The following SLC43A1 variants were observed in gnomAD, a reference collection of about 807,000 sequenced individuals.
SLC43A1 encodes the protein solute carrier family 43 member 1, also known as large neutral amino acids transporter small subunit 3.
SLC43A1 carries 31 observed loss-of-function variants against 59.5 expected under a neutral mutation model. The ratio of observed to expected loss-of-function variants is 0.52; its 90% CI spans 0.39 to 0.70. SLC43A1 has a LOEUF of 0.70. Among genes scored for constraint, SLC43A1 ranks in the 30% least tolerant of loss-of-function variants. The pLI is 0.00. For synonymous variants in SLC43A1, 259 were observed against 290.9 expected, an observed-to-expected ratio of 0.89 and a Z score of 1.12; for missense variants, 598 against 717.8, an observed-to-expected ratio of 0.83 and a Z score of 1.91.
intron 2 of SLC43A1, 125 bp from the exon 3 acceptor site, chr11:57,501,454 A>C (rs746509403): frequency 2.2e-5 from 20 of 907,398 alleles, no homozygotes; most frequent in Non-Finnish European, 3.3e-5. Flanking sequence ...GGTACCCTAG[A>C]GTCACATCTC....
intron 5 of SLC43A1, 151 bp from the exon 6 acceptor site, chr11:57,497,996 G>A: frequency 1.7e-6 from 1 of 589,312 alleles, no homozygotes; most frequent in African/African-American, 1.9e-5. Context: ...ACTGTACTCT[G>A]CCCCCTGCCT....
intron 7 of SLC43A1, 88 bp downstream of exon 7, chr11:57,495,943 C>A: frequency 6.8e-7 from 1 of 1,468,762 alleles, no homozygotes; most frequent in Non-Finnish European, 9.2e-7. Flanking sequence ...AAGCCGAGGT[C>A]TCTCTGAATC....
rs1250695495 is a variant in SLC43A1, at chr11:57,501,158, AC to A, written c.325del (p.Val109LeufsTer26). Reference sequence around the variant, plus strand: ...CATAGCCCAGCCACCTCACCTGCCAACCAGCCGCACGGGTCGGGGGCCAAAG... The same window carrying A: ...CATAGCCCAGCCACCTCACCTGCCAACAGCCGCACGGGTCGGGGGCCAAAG... ...DRFGPRPVRL[V>X]GSACFTASCT... On this transcript the variant is annotated frameshift_variant, in exon 3 of 15. Transcript: ENST00000278426. LOFTEE classifies it high-confidence loss of function. 2 of 1,612,342 alleles carry A rather than the reference AC, an allele frequency of 1.2e-6. No homozygotes were observed. Among genetic ancestry groups the A allele is most frequent in the Admixed American group, 3.3e-5 (2 of 59,994 alleles).
chr11:57,504,457 T>A (rs1182910732), intron 2 of SLC43A1, among the ~76,000 whole-genome samples: 4 of 152,232 alleles, frequency 2.6e-5, no homozygotes, highest in Non-Finnish European at 5.9e-5. Flanking sequence ...CAAATGACAA[T>A]TTCCCTCACA....
intron 14 of SLC43A1, among the ~76,000 whole-genome samples, chr11:57,485,592 A>C (rs376950662): frequency 2.4e-4 from 36 of 152,192 alleles, no homozygotes; most frequent in African/African-American, 8.4e-4. Context: ...TGACCTTTGG[A>C]GATGTTAACC....
chr11:57,496,898 T>C (rs950903095), intron 6 of SLC43A1, among the ~76,000 whole-genome samples: 2 of 152,206 alleles, frequency 1.3e-5, no homozygotes, highest in African/African-American at 4.8e-5. Flanking sequence ...CCTTTTTCTC[T>C]GCAGTCTTGG....
At position 57,514,276 on chromosome 11, in the gene SLC43A1, G is replaced by C; in HGVS notation, c.-13-152C>G. 1.1e-6 allele frequency: 1 copy of C among 908,252 alleles called. No homozygotes were observed. Among genetic ancestry groups the C allele is most frequent in the South Asian group, 1.8e-5 (1 of 55,774 alleles). The allele number at this position is 908,252 out of a possible 1,614,324, so 56.3% of individuals were successfully genotyped here. Reference sequence around the variant, plus strand: ...CCCTGGGCTTCCCAGCCGGTGCCAAGGAGCTGGCTCCGCGCGCACTAGCAG... The same window carrying C: ...CCCTGGGCTTCCCAGCCGGTGCCAACGAGCTGGCTCCGCGCGCACTAGCAG... On this transcript the variant is annotated intron_variant, in intron 1 of 14. Transcript: ENST00000278426. This position sits in a 1 kb window ranked among gnomAD's most constrained non-coding sequence, Gnocchi z 5.5.
chr11:57,491,738 A>G lies in SLC43A1; in HGVS notation c.996T>C (p.Leu332=). ...MAAVNKMLEY[L]VTGGQEHETN... is the part of the protein sequence containing the mutation. ...CACCATGCTCCTGGCCACCAGTCACAAGGTACTCCAGCATCTTGTTCACAG... is the reference window on the plus strand; with the variant it reads ...CACCATGCTCCTGGCCACCAGTCACGAGGTACTCCAGCATCTTGTTCACAG... The change falls in exon 9 of 15, where the codon CTT becomes CTC. Residue 332 remains leucine, a synonymous_variant. Coordinates refer to ENST00000278426, the MANE Select transcript of SLC43A1 (RefSeq NM_003627.6). 1 of 1,614,192 alleles carries G rather than the reference A, an allele frequency of 6.2e-7. No homozygotes were observed. Among genetic ancestry groups the G allele is most frequent in the Non-Finnish European group, 8.5e-7 (1 of 1,180,038 alleles).
intron 13 of SLC43A1, among the ~76,000 whole-genome samples, chr11:57,487,978 G>A (rs1323235164): frequency 3.3e-5 from 5 of 152,156 alleles, no homozygotes; most frequent in Non-Finnish European, 2.9e-5. Context: ...CTAGAGGGGA[G>A]TGAAGTGCTG....
At position 57,494,150 on chromosome 11, in the gene SLC43A1, C is replaced by T. The variant is rs114570138; in HGVS notation, c.714G>A (p.Gly238=). 3.5e-4 allele frequency: 566 copies of T among 1,609,702 alleles called. 9 individuals are homozygous for T. In the East Asian group the frequency reaches 0.013, roughly 36 times the overall value. The change falls in exon 8 of 15, where the codon GGG becomes GGA. Residue 238 remains glycine (G), a synonymous_variant. Coordinates refer to ENST00000278426, the MANE Select transcript of SLC43A1 (RefSeq NM_003627.6). ...VNYTKKIKLS[G]LALDHKVTGD... ...CTGTCACCTTGTGGTCCAGGGCCAGCCCACTCAGCTTGATCTTCTTCCTGC... is the reference window on the plus strand; with the variant it reads ...CTGTCACCTTGTGGTCCAGGGCCAGTCCACTCAGCTTGATCTTCTTCCTGC...
chr11:57,508,658 G>A (rs1944451515), intron 2 of SLC43A1, among the ~76,000 whole-genome samples: 1 of 152,170 alleles, frequency 6.6e-6, no homozygotes, highest in Non-Finnish European at 1.5e-5. Flanking sequence ...GCCAGGTGTG[G>A]AAGCACATGC....
intron 14 of SLC43A1, 51 bp downstream of exon 14, chr11:57,487,044 T>G (rs776041890): frequency 6.9e-6 from 11 of 1,597,162 alleles, no homozygotes; most frequent in Non-Finnish European, 9.4e-6. Context: ...GCCCTACCCC[T>G]GCCCCCAGGA....
In SLC43A1 at chr11:57,491,941, G is replaced by C. The variant is rs985163460; in HGVS notation, c.872-79C>G. The C allele has an allele frequency of 1.9e-5, 27 of 1,398,590 alleles. 1 individual carries two copies. In the East Asian group the frequency reaches 5.2e-4, roughly 27 times the overall value. 86.6% of individuals were successfully genotyped at this position (1,398,590 alleles called of 1,614,324 possible). A position where few individuals can be genotyped will look rare whatever the true frequency, so the allele number is the denominator to read the frequency against. Reference sequence around the variant, plus strand: ...ATTGTCCCAGCTCATGCAGTTCTTGGGGGGAGTGACACTAACTATGTGACT... The same window carrying C: ...ATTGTCCCAGCTCATGCAGTTCTTGCGGGGAGTGACACTAACTATGTGACT... On this transcript the variant is annotated intron_variant, in intron 8 of 14. Transcript: ENST00000278426.
At chr11:57,506,570 C>T (rs562881893) in intron 2 of SLC43A1, among the ~76,000 whole-genome samples, 147 of 152,170 alleles carry the variant, frequency 9.7e-4, no homozygotes, top group African/African-American at 3.4e-3. Context: ...ATTGGGCTCT[C>T]GCTGGTGTCT....
intron 7 of SLC43A1, 39 bp downstream of exon 7, chr11:57,495,992 C>G: frequency 6.2e-7 from 1 of 1,607,864 alleles, no homozygotes; most frequent in African/African-American, 1.3e-5. Flanking sequence ...ACAGCCCTCT[C>G]TGCCCCAGGG....
intron 2 of SLC43A1, among the ~76,000 whole-genome samples, chr11:57,509,848 T>C (rs1365149616): frequency 9.3e-5 from 14 of 151,278 alleles, no homozygotes; most frequent in Non-Finnish European, 2.1e-4. Flanking sequence ...AAATAGAAAA[T>C]TGGACTTCAA....
intron 10 of SLC43A1, 71 bp downstream of exon 10, chr11:57,491,520 G>A: frequency 6.2e-7 from 1 of 1,602,740 alleles, no homozygotes; most frequent in East Asian, 2.2e-5. Flanking sequence ...AGGCCTAGAG[G>A]AGTCCCGCCC....
intron 13 of SLC43A1, among the ~76,000 whole-genome samples, chr11:57,487,974 G>A (rs529153584): frequency 2.0e-5 from 3 of 152,136 alleles, no homozygotes; most frequent in Admixed American, 1.3e-4. Flanking sequence ...GGAGCTAGAG[G>A]GGAGTGAAGT....
At position 57,514,070 on chromosome 11, in the gene SLC43A1, C is replaced by T. The variant is rs1282450798; in HGVS notation, c.42G>A (p.Trp14Ter). The T allele has an allele frequency of 6.2e-7, 1 of 1,605,346 alleles. No individual in the cohort carries two copies. Among genetic ancestry groups the T allele is most frequent in the Non-Finnish European group, 8.5e-7 (1 of 1,176,088 alleles). The change falls in exon 2 of 15, where the codon TGG becomes TGA. Residue 14 changes from tryptophan (W) to a stop codon, truncating the protein, a stop_gained. Coordinates refer to ENST00000278426, the MANE Select transcript of SLC43A1 (RefSeq NM_003627.6). LOFTEE classifies it high-confidence loss of function. This position sits in a 1 kb window ranked among gnomAD's most constrained non-coding sequence, Gnocchi z 5.5. ...TCTCCAGCACAGCCGTGCAGGCCAT[C>T]CACCAGCGCCTCCGGTACGCCTGTT... ...TLQQAYRRRW[W>*]MACTAVLENL...
Sources: gnomAD v4.1 joint callset for allele counts (sites outside exome capture counted in the v4.1 genomes callset) on GRCh38, gnomAD v4.1.1 for gene constraint, Gnocchi (gnomAD v3.1) non-coding constraint, MANE v1.5 for transcripts, NCBI Gene and HGNC (gene_info 2026-07-23, HGNC 2026-07-21) for gene names.